Variants in RIOX2 observed in about 807,000 individuals in gnomAD.
RIOX2 encodes ribosomal oxygenase 2.
In RIOX2, 43 loss-of-function variants were observed where a neutral mutation model predicts 51.2. That is an observed-to-expected ratio of 0.84 (90% CI 0.66 to 1.08). The LOEUF (loss-of-function observed/expected upper bound fraction) is 1.08, where lower values mean the gene tolerates loss of function less well. RIOX2 is among the 50% of genes least tolerant of loss of function. The pLI is 0.00. For synonymous variants in RIOX2, 226 were observed against 218.5 expected (o/e 1.03, Z -0.30); for missense variants, 566 against 561.7 (o/e 1.01, Z -0.08).
intron 2 of RIOX2, among the ~76,000 whole-genome samples, chr3:97,962,942 G>A (rs1705742685): frequency 6.6e-6 from 1 of 152,176 alleles, no homozygotes; most frequent in Non-Finnish European, 1.5e-5. Flanking sequence ...AGAGACTGAA[G>A]TTTTAAACAT....
intron 3 of RIOX2, among the ~76,000 whole-genome samples, chr3:97,961,346 G>T (rs189107818): frequency 6.6e-6 from 1 of 152,200 alleles, no homozygotes; most frequent in Non-Finnish European, 1.5e-5. Flanking sequence ...CGAATGTGTG[G>T]CTCTTTAAAT....
Position 97,949,936 on chromosome 3 carries a change from T to C in RIOX2, c.968A>G (p.Lys323Arg). 6.2e-7 allele frequency: 1 copy of C among 1,613,972 alleles called. No homozygotes were observed. Among genetic ancestry groups the C allele is most frequent in the Non-Finnish European group, 8.5e-7 (1 of 1,179,962 alleles). Residue 323 changes from lysine to arginine, a missense_variant, in exon 7 of 10, where the codon AAA (lysine) becomes AGA (arginine). By Grantham distance (26) the Lys-to-Arg change is conservative. Transcript: ENST00000394198. Reference sequence around the variant, plus strand: ...CTTCATGTCTGAGGAAAGCAGTTCTTTGGTGCCCTCCAGCCGGTCTGCAAG... The same window carrying C: ...CTTCATGTCTGAGGAAAGCAGTTCTCTGGTGCCCTCCAGCCGGTCTGCAAG... The part of the protein sequence containing the change: ...RTLADRLEGT[K>R]ELLSSDMKKD...
intron 1 of RIOX2, among the ~76,000 whole-genome samples, chr3:97,970,187 A>G (rs1466701625): frequency 6.6e-6 from 1 of 152,250 alleles, no homozygotes; most frequent in African/African-American, 2.4e-5. Context: ...CACTTAAGCC[A>G]AAATAAAATC....
At chr3:97,954,233 C>T in intron 5 of RIOX2, 159 bp downstream of exon 5, 1 of 603,310 alleles carries the variant, frequency 1.7e-6, no homozygotes, top group Non-Finnish European at 3.0e-6. Flanking sequence ...CAGTCACATA[C>T]ATGGGACATC....
In RIOX2 at chr3:97,947,423, C is replaced by G; in HGVS notation, c.1087G>C (p.Val363Leu). 1 of 1,613,504 alleles carries G rather than the reference C, an allele frequency of 6.2e-7. No individual in the cohort carries two copies. Among genetic ancestry groups the G allele is most frequent in the Non-Finnish European group, 8.5e-7 (1 of 1,179,558 alleles). ...PGGKLPRLDS[V>L]VRLQFKDHIV... The stretch of plus-strand genomic sequence containing the variant: ...TGGTCTTTAAACTGCAGTCTCACTA[C>G]ACTGTCCAGCCTCGGTAACTTTCCA... Residue 363 changes from valine to leucine, a missense_variant, in exon 8 of 10, where the codon GTA (valine) becomes CTA (leucine). By Grantham distance (32) the Val-to-Leu change is conservative (BLOSUM62 1). Coordinates refer to ENST00000394198, the MANE Select transcript of RIOX2 (RefSeq NM_153182.4).
In RIOX2 at chr3:97,942,380, A is replaced by G; in HGVS notation, c.*2804T>C. The G allele has an allele frequency of 6.2e-7, 1 of 1,611,912 alleles. No individual in the cohort carries two copies. Among genetic ancestry groups the G allele is most frequent in the Non-Finnish European group, 8.5e-7 (1 of 1,178,518 alleles). On this transcript the variant is annotated 3_prime_UTR_variant, in exon 10 of 10. Coordinates refer to ENST00000394198, the MANE Select transcript of RIOX2 (RefSeq NM_153182.4). ...ACATGGGCAATTCAGGCAGAAGTGG[A>G]GACTGAATAAAAATGGAACTATCAG...
At chr3:97,947,733 TATC>T (rs1225645402) in intron 7 of RIOX2, among the ~76,000 whole-genome samples, 1 of 152,190 alleles carries the variant, frequency 6.6e-6, no homozygotes, top group Non-Finnish European at 1.5e-5. Flanking sequence ...GTACAGTGGC[TATC>T]ATAGCACATA....
intron 1 of RIOX2, among the ~76,000 whole-genome samples, chr3:97,969,346 G>A (rs1706030326): frequency 6.6e-6 from 1 of 152,228 alleles, no homozygotes; most frequent in Non-Finnish European, 1.5e-5. Flanking sequence ...GCTTCAGGAA[G>A]GCACAGCATT....
At chr3:97,966,815 T>C (rs1051736088) in intron 2 of RIOX2, among the ~76,000 whole-genome samples, 2 of 152,178 alleles carry the variant, frequency 1.3e-5, no homozygotes, top group East Asian at 1.9e-4. Context: ...ACAAACCAAA[T>C]AGAAATGTCT....
In RIOX2 at chr3:97,944,783, A is replaced by T. The variant is rs2040314391; in HGVS notation, c.*401T>A. 1 of 155,100 alleles carries T rather than the reference A, an allele frequency of 6.4e-6. No homozygotes were observed. The allele number at this position is 155,100 out of a possible 1,614,324, so 9.6% of individuals were successfully genotyped here. ...CAAAGGTATGTATATTTTCATTATA[A>T]AAAACCAGTTTAAAATTTTTTCTTA... is the stretch of plus-strand genomic sequence containing the variant. On this transcript the variant is annotated 3_prime_UTR_variant, in exon 10 of 10. Transcript: ENST00000394198.
rs73851098 is a variant in RIOX2 at position 97,953,276 on chromosome 3, C to T, written c.785+1116G>A. Among the ~76,000 whole-genome samples the T allele has an allele frequency of 7.0e-3, 1,060 of 152,292 alleles. 9 individuals are homozygous for T. The highest frequency in any genetic ancestry group is 0.023 in the African/African-American group (975 of 41,566). ...ACCATCTCTTCTCCTACAACCAATT[C>T]CAAAGTATAAGCTCTCTCAAAACCC... On this transcript the variant is annotated intron_variant, in intron 5 of 9. Coordinates refer to ENST00000394198, the MANE Select transcript of RIOX2 (RefSeq NM_153182.4).
chr3:97,953,125 T>G (rs977325880), intron 5 of RIOX2, among the ~76,000 whole-genome samples: 3 of 152,120 alleles, frequency 2.0e-5, no homozygotes, highest in Non-Finnish European at 4.4e-5. Flanking sequence ...CCCTACTTAC[T>G]CATCCTTTAA....
chr3:97,964,136 G>C (rs913784257), intron 2 of RIOX2, among the ~76,000 whole-genome samples: 1 of 152,150 alleles, frequency 6.6e-6, no homozygotes, highest in African/African-American at 2.4e-5. Flanking sequence ...GAAGGTGGAA[G>C]TCTCTCTCCC....
intron 4 of RIOX2, among the ~76,000 whole-genome samples, chr3:97,956,306 G>A (rs147413159): frequency 3.2e-4 from 49 of 152,214 alleles, no homozygotes; most frequent in African/African-American, 1.1e-3. Context: ...GCTGGAAAAC[G>A]TAAGTAAACA....
Position 97,967,260 on chromosome 3 carries a change from CCTT to C in RIOX2, c.331_333del (p.Lys111del), listed in dbSNP as rs1705926258. On this transcript the variant is annotated inframe_deletion, in exon 2 of 10. Transcript: ENST00000394198. The stretch of plus-strand genomic sequence containing the variant: ...TGTGCTTTGCCATCTTTATTTAAAA[CCTT>C]CTTCTTCCCATTGACACACCGGCAG... 2 of 1,614,144 alleles carry C rather than the reference CCTT, an allele frequency of 1.2e-6. No homozygotes were observed. The highest frequency in any genetic ancestry group is 1.7e-6 in the Non-Finnish European group (2 of 1,180,034).
chr3:97,957,135 C>A (rs1341411487), intron 4 of RIOX2, among the ~76,000 whole-genome samples: 1 of 152,174 alleles, frequency 6.6e-6, no homozygotes, highest in East Asian at 1.9e-4. Flanking sequence ...TCAACCACAG[C>A]CACTAAGCCT....
At chr3:97,957,330 A>G (rs756382982) in intron 4 of RIOX2, among the ~76,000 whole-genome samples, 3 of 151,992 alleles carry the variant, frequency 2.0e-5, no homozygotes, top group Admixed American at 1.3e-4. Context: ...AACCGTCTCT[A>G]CTAAAGATAC....
chr3:97,961,745 G>T, intron 2 of RIOX2, 37 bp from the exon 3 acceptor site: 1 of 1,551,590 alleles, frequency 6.4e-7, no homozygotes. Flanking sequence ...GTCGGCGTGG[G>T]GGAGTGAAAA....
intron 5 of RIOX2, among the ~76,000 whole-genome samples, chr3:97,951,872 G>A (rs942015420): frequency 1.3e-5 from 2 of 152,148 alleles, no homozygotes; most frequent in African/African-American, 2.4e-5. Flanking sequence ...GTCTCAACCC[G>A]GAGGGCACAT....
Sources: gnomAD v4.1 joint callset for allele counts (sites outside exome capture counted in the v4.1 genomes callset) on GRCh38, gnomAD v4.1.1 for gene constraint, MANE v1.5 for transcripts, NCBI Gene and HGNC (gene_info 2026-07-23, HGNC 2026-07-21) for gene names.